The following STING1 variants were observed in gnomAD, a reference collection of about 807,000 sequenced individuals.
STING1 encodes stimulator of interferon genes protein.
STING1 carries 19 observed loss-of-function variants against 31.6 expected under a neutral mutation model. The observed-to-expected ratio is 0.60, with a 90% CI of 0.42 to 0.88. The LOEUF (loss-of-function observed/expected upper bound fraction) is 0.88. STING1 is among the 40% of genes least tolerant of loss of function. The pLI, the probability that STING1 is intolerant of heterozygous loss-of-function variation, is 0.00. For synonymous variants in STING1, 200 were observed against 208.6 expected, an observed-to-expected ratio of 0.96 and a Z score of 0.35; for missense variants, 371 against 483.7, an observed-to-expected ratio of 0.77 and a Z score of 2.19.
At position 139,481,055 on chromosome 5, in the gene STING1, C is replaced by A. The variant is rs1751824166; in HGVS notation, c.411+104G>T. The A allele has an allele frequency of 1.5e-6, 2 of 1,306,578 alleles. No individual in the cohort carries two copies. The highest frequency in any genetic ancestry group is 1.2e-5 in the South Asian group (1 of 82,210). 80.9% of individuals were successfully genotyped at this position (1,306,578 alleles called of 1,614,324 possible). On this transcript the variant is annotated intron_variant, in intron 4 of 7. Transcript: ENST00000330794. This position sits in a 1 kb window ranked among gnomAD's most constrained non-coding sequence, Gnocchi z 4.1. ...GACATTATAGGTTCTACTCCATGGA[C>A]TCCAGCCTTTAAACCAGTCCCACTC...
chr5:139,476,529 T>A, intron 7 of STING1, 75 bp from the exon 8 acceptor site: 1 of 1,406,794 alleles, frequency 7.1e-7, no homozygotes, highest in African/African-American at 1.4e-5. Context: ...GAGAACTTGC[T>A]GGGAAGATCC....
Position 139,475,936 on chromosome 5 carries a change from A to G in STING1, c.*325T>C. 1 of 215,082 alleles carries G rather than the reference A, an allele frequency of 4.6e-6. No individual in the cohort carries two copies. The highest frequency in any genetic ancestry group is 1.0e-4 in the East Asian group (1 of 9,636). The allele number at this position is 215,082 out of a possible 1,614,324, so 13.3% of individuals were successfully genotyped here. A position where few individuals can be genotyped will look rare whatever the true frequency, so the allele number is the denominator to read the frequency against. ...GTGGGGAGTGGGTCTGGAAGGCCCC[A>G]TGAAAGACACCTGGCACACCCCCTA... is the stretch of plus-strand genomic sequence containing the variant. On this transcript the variant is annotated 3_prime_UTR_variant, in exon 8 of 8. Coordinates refer to ENST00000330794, the MANE Select transcript of STING1 (RefSeq NM_198282.4).
intron 7 of STING1, among the ~76,000 whole-genome samples, chr5:139,476,870 A>G (rs2152093216): frequency 6.9e-6 from 1 of 144,728 alleles, no homozygotes; most frequent in South Asian, 2.2e-4. Context: ...GAGCCACTTC[A>G]CTCCAGCCTG....
At chr5:139,478,626 G>C in intron 5 of STING1, 118 bp from the exon 6 acceptor site, 2 of 879,042 alleles carry the variant, frequency 2.3e-6, no homozygotes, top group Non-Finnish European at 3.6e-6. Context: ...GGAGAGTCCA[G>C]TGCACTCTCA....
In STING1 at chr5:139,481,046, CTCCA is replaced by C. The variant is rs1451167071; in HGVS notation, c.411+109_411+112del. On this transcript the variant is annotated intron_variant, in intron 4 of 7. Coordinates refer to ENST00000330794, the MANE Select transcript of STING1 (RefSeq NM_198282.4). The surrounding 1 kb of genome is among the most constrained non-coding windows in gnomAD (Gnocchi z 4.1). ...CTGTTCCAGGACATTATAGGTTCTA[CTCCA>C]TGGACTCCAGCCTTTAAACCAGTCC... 8.0e-7 allele frequency: 1 copy of C among 1,243,672 alleles called. No homozygotes were observed. Among genetic ancestry groups the C allele is most frequent in the East Asian group, 2.3e-5 (1 of 42,818 alleles). 77.0% of individuals were successfully genotyped at this position (1,243,672 alleles called of 1,614,324 possible).
chr5:139,477,594 C>A, intron 6 of STING1, 79 bp from the exon 7 acceptor site: 3 of 1,422,656 alleles, frequency 2.1e-6, no homozygotes, highest in Non-Finnish European at 2.9e-6. Flanking sequence ...CAGGCTCTGG[C>A]CCCCAGTGCC....
In STING1 at chr5:139,481,604, C is replaced by T. The variant is rs1414994311; in HGVS notation, c.101G>A (p.Trp34Ter). The T allele has an allele frequency of 6.2e-7, 1 of 1,613,642 alleles. No homozygotes were observed. The highest frequency in any genetic ancestry group is 1.1e-5 in the South Asian group (1 of 91,070). The part of the protein sequence containing the change: ...VLLSACLVTL[W>*]GLGEPPEHTL... ...GTGCTCTGGTGGCTCTCCTAGCCCC[C>T]AAAGGGTCACCAGGCAGGCACTCAG... Residue 34 changes from tryptophan to a stop codon, truncating the protein, a stop_gained, in exon 3 of 8, where the codon TGG becomes TAG. Transcript: ENST00000330794. LOFTEE classifies it high-confidence loss of function. This position sits in a 1 kb window ranked among gnomAD's most constrained non-coding sequence, Gnocchi z 4.1.
intron 6 of STING1, among the ~76,000 whole-genome samples, 186 bp from the exon 7 acceptor site, chr5:139,477,701 G>A (rs1489725102): frequency 1.3e-5 from 2 of 152,102 alleles, no homozygotes; most frequent in Non-Finnish European, 2.9e-5. Flanking sequence ...CTTTGCCTCT[G>A]ATACCCAACT....
intron 5 of STING1, 54 bp downstream of exon 5, chr5:139,480,736 T>C (rs751197856): frequency 1.1e-4 from 117 of 1,094,776 alleles, no homozygotes; most frequent in Non-Finnish European, 1.5e-4. Flanking sequence ...AGAGGCTGTG[T>C]GTCTTAGTGT....
intron 7 of STING1, 72 bp downstream of exon 7, chr5:139,477,257 T>C: frequency 6.6e-7 from 1 of 1,522,952 alleles, no homozygotes; most frequent in Non-Finnish European, 9.0e-7. Flanking sequence ...TTCTGACTCT[T>C]TGGGAGACCC....
intron 6 of STING1, 103 bp from the exon 7 acceptor site, chr5:139,477,618 C>T: frequency 8.6e-7 from 1 of 1,168,514 alleles, no homozygotes; most frequent in Non-Finnish European, 1.2e-6. Flanking sequence ...GGCTGAGGCC[C>T]CACTCCCTCA....
Position 139,476,226 on chromosome 5 carries a change from G to A in STING1, c.*35C>T. 1 of 1,505,922 alleles carries A rather than the reference G, an allele frequency of 6.6e-7. No individual in the cohort carries two copies. The highest frequency in any genetic ancestry group is 1.2e-5 in the South Asian group (1 of 82,822). The allele number at this position is 1,505,922 out of a possible 1,614,324, so 93.3% of individuals were successfully genotyped here. A position where few individuals can be genotyped will look rare whatever the true frequency, so the allele number is the denominator to read the frequency against. On this transcript the variant is annotated 3_prime_UTR_variant, in exon 8 of 8. Coordinates refer to ENST00000330794, the MANE Select transcript of STING1 (RefSeq NM_198282.4). Reference sequence around the variant, plus strand: ...AGAGCCCCCAGTCCAGAGGCTTGGAGACCACTGGAGGCTCTGGCCTGGTGA... The same window carrying A: ...AGAGCCCCCAGTCCAGAGGCTTGGAAACCACTGGAGGCTCTGGCCTGGTGA...
At chr5:139,482,390 A>G (rs1751883046) in intron 1 of STING1, 88 bp from the exon 2 acceptor site, 1 of 152,224 alleles carries the variant, frequency 6.6e-6, no homozygotes. Context: ...TGGTGCTGGG[A>G]AGGAGGGTAT....
In STING1 at chr5:139,479,848, C is replaced by CAAAAAA. The variant is rs1168023127; in HGVS notation, c.520+936_520+941dup. 1.5e-3 allele frequency among the ~76,000 whole-genome samples: 53 copies of CAAAAAA among 34,918 alleles called. 6 individuals carry two copies. The highest frequency in any genetic ancestry group is 4.2e-3 in the East Asian group (3 of 712). The allele number at this position is 34,918 out of a possible 152,430, so 22.9% of individuals were successfully genotyped here. ...TGAAACCCTGTCTCTACTAAAAATACAAAAAAAAAAAAAAAAAAAAAAAAA... is the reference window on the plus strand; with the variant it reads ...TGAAACCCTGTCTCTACTAAAAATACAAAAAAAAAAAAAAAAAAAAAAAAAAAAAAA... On this transcript the variant is annotated intron_variant, in intron 5 of 7. Coordinates refer to ENST00000330794, the MANE Select transcript of STING1 (RefSeq NM_198282.4).
At chr5:139,480,754 G>T in intron 5 of STING1, 36 bp downstream of exon 5, 1 of 1,352,456 alleles carries the variant, frequency 7.4e-7, no homozygotes, top group African/African-American at 1.4e-5. Flanking sequence ...TGTCTGTTTT[G>T]TAGATCGAGA....
intron 5 of STING1, chr5:139,478,754 C>A: frequency 2.0e-6 from 1 of 488,062 alleles, no homozygotes; most frequent in Non-Finnish European, 3.7e-6. Flanking sequence ...AGCGCCACCC[C>A]TTTCCACCAT....
rs1561483110 is a variant in STING1, at chr5:139,478,528, G to T, written c.521-20C>A. On this transcript the variant is annotated intron_variant, in intron 5 of 7. Coordinates refer to ENST00000330794, the MANE Select transcript of STING1 (RefSeq NM_198282.4). Reference sequence around the variant, plus strand: ...GGAGCTCTGAGGCAGGGAAGCCCAAGAAGTTATTCCTGCTAACCCTATCTC... The same window carrying T: ...GGAGCTCTGAGGCAGGGAAGCCCAATAAGTTATTCCTGCTAACCCTATCTC... 3 of 1,607,754 alleles carry T rather than the reference G, an allele frequency of 1.9e-6. No individual in the cohort carries two copies.
chr5:139,479,265 A>ACAG (rs1355980894), intron 5 of STING1: 4 of 152,408 alleles, frequency 2.6e-5, no homozygotes, highest in Admixed American at 1.3e-4. Flanking sequence ...AACAACAACA[A>ACAG]CAACAACAAC....
Position 139,481,530 on chromosome 5 carries a change from G to A in STING1, c.175C>T (p.Leu59=), listed in dbSNP as rs760161824. 51 of 1,613,866 alleles carry A rather than the reference G, an allele frequency of 3.2e-5. No individual in the cohort carries two copies. Among genetic ancestry groups the A allele is most frequent in the Non-Finnish European group, 3.8e-5 (45 of 1,180,024 alleles). ...GCCAGGCTGCAGACCCCGTTTAACAGCAGTCCCAGCTGCAGGGAGGCTAGG... is the reference window on the plus strand; with the variant it reads ...GCCAGGCTGCAGACCCCGTTTAACAACAGTCCCAGCTGCAGGGAGGCTAGG... ...LHLASLQLGL[L]LNGVCSLAEE... is the part of the protein sequence containing the mutation. Residue 59 remains leucine, a synonymous_variant, in exon 3 of 8, where the codon CTG becomes TTG. Coordinates refer to ENST00000330794, the MANE Select transcript of STING1 (RefSeq NM_198282.4). The surrounding 1 kb of genome is among the most constrained non-coding windows in gnomAD (Gnocchi z 4.1).
Sources: gnomAD v4.1 joint callset for allele counts (sites outside exome capture counted in the v4.1 genomes callset) on GRCh38, gnomAD v4.1.1 for gene constraint, Gnocchi (gnomAD v3.1) non-coding constraint, MANE v1.5 for transcripts, NCBI Gene and HGNC (gene_info 2026-07-23, HGNC 2026-07-21) for gene names.